Variants in C3orf33 observed in about 807,000 individuals in gnomAD.
The protein encoded by C3orf33 is AP-1 activity suppressor.
C3orf33 carries 23 observed loss-of-function variants against 28.7 expected under a neutral mutation model. The ratio of observed to expected loss-of-function variants is 0.80; its 90% CI spans 0.58 to 1.13. The LOEUF is 1.13. Ranked by LOEUF, C3orf33 falls within the 50% of genes most tolerant of loss-of-function variation. The pLI is 0.00. For synonymous variants in C3orf33, 119 were observed against 120.5 expected (o/e 0.99, Z 0.08); for missense variants, 327 against 353.4 (o/e 0.93, Z 0.60).
intron 4 of C3orf33, among the ~76,000 whole-genome samples, chr3:155,764,163 C>G (rs1577407752): frequency 6.6e-6 from 1 of 152,250 alleles, no homozygotes; most frequent in Non-Finnish European, 1.5e-5. Context: ...ACTCACTGTT[C>G]TCCTAATCCG....
chr3:155,789,673 AAAG>A (rs1267919442), intron 2 of C3orf33, among the ~76,000 whole-genome samples: 1 of 152,186 alleles, frequency 6.6e-6, no homozygotes, highest in Non-Finnish European at 1.5e-5. Context: ...TAATTTTGAG[AAAG>A]AAGAACAAAA....
At chr3:155,786,734 G>C (rs1303225287) in intron 2 of C3orf33, among the ~76,000 whole-genome samples, 1 of 152,162 alleles carries the variant, frequency 6.6e-6, no homozygotes, top group Non-Finnish European at 1.5e-5. Flanking sequence ...AGGAGGCTGA[G>C]GCAGAAGAAT....
At chr3:155,769,485 C>CAAAA (rs59639224) in intron 3 of C3orf33, among the ~76,000 whole-genome samples, 3 of 84,326 alleles carry the variant, frequency 3.6e-5, no homozygotes, top group African/African-American at 7.9e-5. Context: ...GAGACTGTTT[C>CAAAA]AAAAAAAAAA....
chr3:155,783,144 C>A (rs138556684), intron 2 of C3orf33, among the ~76,000 whole-genome samples: 1 of 151,310 alleles, frequency 6.6e-6, no homozygotes, highest in African/African-American at 2.4e-5. Context: ...AAGGGATACT[C>A]AACCCATTCT....
rs1015980342 is a variant in C3orf33 at position 155,763,448 on chromosome 3, A to G, written c.*69T>C. ...TTGGCAAAACTTCCATTTTGATTCAATGAAAAACGTCCATATATTTACATA... is the reference window on the plus strand; with the variant it reads ...TTGGCAAAACTTCCATTTTGATTCAGTGAAAAACGTCCATATATTTACATA... On this transcript the variant is annotated 3_prime_UTR_variant, in exon 5 of 5. Transcript: ENST00000340171. 15 of 1,206,172 alleles carry G rather than the reference A, an allele frequency of 1.2e-5. No homozygotes were observed. The highest frequency in any genetic ancestry group is 7.5e-5 in the Admixed American group (2 of 26,756). 74.7% of individuals were successfully genotyped at this position (1,206,172 alleles called of 1,614,324 possible).
chr3:155,769,225 G>A (rs965707568), intron 3 of C3orf33, among the ~76,000 whole-genome samples: 3 of 151,696 alleles, frequency 2.0e-5, no homozygotes, highest in East Asian at 1.9e-4. Flanking sequence ...GGCAGGAGAC[G>A]TGCTTGAATT....
chr3:155,767,065 C>T (rs1026699983), intron 4 of C3orf33, among the ~76,000 whole-genome samples: 7 of 152,038 alleles, frequency 4.6e-5, no homozygotes, highest in Admixed American at 1.3e-4. Flanking sequence ...CCATCCTGGC[C>T]AACATGGTGA....
chr3:155,801,492 A>T (rs1056587667), intron 2 of C3orf33, among the ~76,000 whole-genome samples: 1 of 152,196 alleles, frequency 6.6e-6, no homozygotes, highest in African/African-American at 2.4e-5. Flanking sequence ...CAACAAATGA[A>T]CAGAAAAGCA....
At chr3:155,803,840 C>A (rs928320297) in intron 1 of C3orf33, among the ~76,000 whole-genome samples, 36 of 151,982 alleles carry the variant, frequency 2.4e-4, no homozygotes, top group African/African-American at 8.7e-4. Context: ...CGAGATTGTG[C>A]CACTGCACTC....
intron 3 of C3orf33, among the ~76,000 whole-genome samples, chr3:155,769,499 A>AAG (rs1402198156): frequency 2.0e-5 from 3 of 151,894 alleles, no homozygotes; most frequent in African/African-American, 7.3e-5. Context: ...AAAAAAAAAA[A>AAG]AAAAGAAGAA....
intron 2 of C3orf33, among the ~76,000 whole-genome samples, chr3:155,801,813 C>T (rs762751949): frequency 2.6e-5 from 4 of 152,122 alleles, no homozygotes; most frequent in Non-Finnish European, 5.9e-5. Context: ...TGCAGTGACA[C>T]GGTTTCAGCT....
intron 3 of C3orf33, among the ~76,000 whole-genome samples, chr3:155,769,355 G>T (rs1002723090): frequency 7.9e-5 from 12 of 151,202 alleles, no homozygotes; most frequent in Non-Finnish European, 1.5e-4. Context: ...GGGCATGGTG[G>T]TGCGTGCCTG....
rs889545369 is a variant in C3orf33, at chr3:155,802,729, G to C, written c.115-138C>G. On this transcript the variant is annotated intron_variant, in intron 1 of 4. Coordinates refer to ENST00000340171, the MANE Select transcript of C3orf33 (RefSeq NM_001308229.2). ...AAACAATGTATGTCTTTCAAATAAA[G>C]GCCCACTTCTTCAAAAACTGTCCAC... The C allele has an allele frequency of 5.1e-6, 3 of 593,584 alleles. No individual in the cohort carries two copies. The Admixed American group carries it at 1.0e-4, about 21-fold the overall frequency. 36.8% of individuals were successfully genotyped at this position (593,584 alleles called of 1,614,324 possible). A position where few individuals can be genotyped will look rare whatever the true frequency, so the allele number is the denominator to read the frequency against.
chr3:155,798,860 C>G (rs1249598625), intron 2 of C3orf33, among the ~76,000 whole-genome samples: 4 of 152,048 alleles, frequency 2.6e-5, no homozygotes, highest in Non-Finnish European at 5.9e-5. Context: ...AAAATATGTG[C>G]AAACCATCCA....
chr3:155,781,084 G>A (rs1364630246), intron 2 of C3orf33, among the ~76,000 whole-genome samples: 2 of 149,600 alleles, frequency 1.3e-5, no homozygotes, highest in African/African-American at 5.1e-5. Flanking sequence ...TGCAAGCTCC[G>A]CTTCCCGGGT....
intron 3 of C3orf33, among the ~76,000 whole-genome samples, chr3:155,769,067 C>A (rs527780273): frequency 6.6e-5 from 10 of 152,204 alleles, no homozygotes; most frequent in Non-Finnish European, 1.2e-4. Context: ...AATCCCAGCA[C>A]TTTGGGAGGC....
chr3:155,805,725 T>C, intron 1 of C3orf33: 1 of 445,042 alleles, frequency 2.2e-6, no homozygotes, highest in Non-Finnish European at 4.5e-6. Flanking sequence ...ACCGTGTCCC[T>C]AAAAAATAAA....
rs757715285 is a variant in C3orf33 at position 155,775,818 on chromosome 3, G to C, written c.205C>G (p.Pro69Ala). 1 of 1,594,410 alleles carries C rather than the reference G, an allele frequency of 6.3e-7. No homozygotes were observed. The highest frequency in any genetic ancestry group is 1.7e-5 in the Admixed American group (1 of 59,102). The change falls in exon 3 of 5, where the codon CCA becomes GCA. Residue 69 changes from proline to alanine, a missense_variant. Physicochemically the swap from Pro to Ala is conservative, Grantham distance 27. Transcript: ENST00000340171. Reference sequence around the variant, plus strand: ...ACATTTCTTCTTATAAATTCTACTGGAATATCCGAAGAGCTTGTAAATTTT... The same window carrying C: ...ACATTTCTTCTTATAAATTCTACTGCAATATCCGAAGAGCTTGTAAATTTT... Reference protein sequence around the residue: ...TSKFTSSSDIPVEFIRRNVKL... With the variant: ...TSKFTSSSDIAVEFIRRNVKL...
At chr3:155,793,398 C>A (rs35582521) in intron 2 of C3orf33, among the ~76,000 whole-genome samples, 85,461 of 148,476 alleles carry the variant, frequency 0.58, 25,012 homozygotes, top group Middle Eastern at 0.71. Flanking sequence ...AGAAAAAAAA[C>A]GGATGTTAAT....
Sources: gnomAD v4.1 joint callset for allele counts (sites outside exome capture counted in the v4.1 genomes callset) on GRCh38, gnomAD v4.1.1 for gene constraint, MANE v1.5 for transcripts, NCBI Gene and HGNC (gene_info 2026-07-23, HGNC 2026-07-21) for gene names.